Variants in ATP6V0E1 observed in about 807,000 individuals in gnomAD.
ATP6V0E1 encodes V-type proton ATPase subunit e 1.
ATP6V0E1 carries 4 observed loss-of-function variants against 11.6 expected under a neutral mutation model. That is an observed-to-expected ratio of 0.35 (90% CI 0.17 to 0.79). The LOEUF (loss-of-function observed/expected upper bound fraction) is 0.79, where lower values mean the gene tolerates loss of function less well. Ranked by LOEUF, ATP6V0E1 falls within the 30% of genes least tolerant of loss-of-function variation. The pLI, the probability that ATP6V0E1 is intolerant of heterozygous loss-of-function variation, is 0.54. For synonymous variants in ATP6V0E1, 36 were observed against 34.8 expected, an observed-to-expected ratio of 1.04 and a Z score of -0.13; for missense variants, 105 against 100.0, an observed-to-expected ratio of 1.05 and a Z score of -0.21.
chr5:173,034,704 T>C lies in ATP6V0E1; in HGVS notation c.*342T>C. 1 of 468,878 alleles carries C rather than the reference T, an allele frequency of 2.1e-6. No homozygotes were observed. The highest frequency in any genetic ancestry group is 1.9e-5 in the African/African-American group (1 of 51,728). The allele number at this position is 468,878 out of a possible 1,614,324, so 29.0% of individuals were successfully genotyped here. A position where few individuals can be genotyped will look rare whatever the true frequency, so the allele number is the denominator to read the frequency against. ...GGATTTGAAGATGGCTCCTGCCTTC[T>C]CACGTGGGAATCAGTGAAGTGTTTA... On this transcript the variant is annotated 3_prime_UTR_variant, in exon 4 of 4. Coordinates refer to ENST00000519374, the MANE Select transcript of ATP6V0E1 (RefSeq NM_003945.4).
At chr5:173,021,233 C>G (rs931873772) in intron 3 of ATP6V0E1, among the ~76,000 whole-genome samples, 3 of 151,508 alleles carry the variant, frequency 2.0e-5, no homozygotes, top group African/African-American at 7.3e-5. Context: ...ACAACTACTT[C>G]ACTCGTTACT....
intron 2 of ATP6V0E1, among the ~76,000 whole-genome samples, chr5:173,003,323 A>G (rs964795555): frequency 7.9e-5 from 12 of 152,292 alleles, no homozygotes; most frequent in Admixed American, 4.6e-4. Context: ...TTTGTTTACT[A>G]TCTGCTTCTC....
At chr5:172,993,437 C>T (rs1321078363) in intron 1 of ATP6V0E1, among the ~76,000 whole-genome samples, 1 of 151,930 alleles carries the variant, frequency 6.6e-6, no homozygotes, top group African/African-American at 2.4e-5. Flanking sequence ...ACCTGAGAGG[C>T]GGAGTTTGCA....
Position 173,032,560 on chromosome 5 carries a change from G to A in ATP6V0E1, c.*37-1839G>A, listed in dbSNP as rs181582168. ...CCTGCCTCGGCCTCCCAAAGTGCTG[G>A]GATTACAGACGTGAGCCACTGTGCC... is the stretch of plus-strand genomic sequence containing the variant. On this transcript the variant is annotated intron_variant, in intron 3 of 3. Transcript: ENST00000519374. 6.4e-4 allele frequency among the ~76,000 whole-genome samples: 98 copies of A among 152,064 alleles called. 2 individuals are homozygous for A. The highest frequency in any genetic ancestry group is 6.8e-3 in the Middle Eastern group (2 of 294).
At chr5:173,015,888 A>G (rs912342750) in intron 2 of ATP6V0E1, among the ~76,000 whole-genome samples, 6 of 151,942 alleles carry the variant, frequency 3.9e-5, no homozygotes, top group African/African-American at 1.2e-4. Flanking sequence ...CACCATGCCC[A>G]GCTGATTTTT....
intron 1 of ATP6V0E1, among the ~76,000 whole-genome samples, chr5:172,991,368 T>A (rs1755975279): frequency 6.6e-6 from 1 of 152,194 alleles, no homozygotes; most frequent in Non-Finnish European, 1.5e-5. Flanking sequence ...AGCTTTTATG[T>A]GAAACTATTA....
chr5:173,000,825 T>G (rs547813375), intron 2 of ATP6V0E1, among the ~76,000 whole-genome samples: 1 of 151,954 alleles, frequency 6.6e-6, no homozygotes, highest in South Asian at 2.1e-4. Context: ...CTCAGCCTCC[T>G]GAGTAGGTGG....
intron 2 of ATP6V0E1, among the ~76,000 whole-genome samples, chr5:173,008,692 G>A (rs1318625586): frequency 2.0e-5 from 3 of 147,590 alleles, no homozygotes; most frequent in African/African-American, 7.4e-5. Context: ...GGCGGATCAC[G>A]AGGTCAGGAG....
rs534351999 is a variant in ATP6V0E1 at position 173,008,783 on chromosome 5, C to T, written c.153-11455C>T. 3.0e-4 allele frequency among the ~76,000 whole-genome samples: 45 copies of T among 149,972 alleles called. No homozygotes were observed. The South Asian group carries it at 6.9e-3, about 23-fold the overall frequency. On this transcript the variant is annotated intron_variant, in intron 2 of 3. Transcript: ENST00000519374. The stretch of plus-strand genomic sequence containing the variant: ...AAAATTAGCTGGGCGTGGTGGCGGG[C>T]GCCTGTAGTCCCAGCTACTTGGGAG...
At chr5:173,032,259 TTATTTATTTATTTA>T (rs1756675141) in intron 3 of ATP6V0E1, among the ~76,000 whole-genome samples, 1 of 116,752 alleles carries the variant, frequency 8.6e-6, no homozygotes, top group East Asian at 2.4e-4. Flanking sequence ...TTTTATTTAT[TTATTTATTTATTTA>T]TTTATTTATT....
chr5:173,018,264 A>G (rs928827026), intron 2 of ATP6V0E1, among the ~76,000 whole-genome samples: 2 of 152,304 alleles, frequency 1.3e-5, no homozygotes, highest in Non-Finnish European at 2.9e-5. Flanking sequence ...TAAGAAAATC[A>G]TAAGGAAGAG....
chr5:173,001,121 C>G (rs1195238732), intron 2 of ATP6V0E1, among the ~76,000 whole-genome samples: 2 of 152,104 alleles, frequency 1.3e-5, no homozygotes, highest in Non-Finnish European at 1.5e-5. Context: ...TTCATTCATT[C>G]AACATATATT....
chr5:172,983,806 C>G lies in ATP6V0E1; in HGVS notation c.-55C>G. 1 of 1,549,816 alleles carries G rather than the reference C, an allele frequency of 6.5e-7. No homozygotes were observed. The highest frequency in any genetic ancestry group is 2.2e-5 in the East Asian group (1 of 44,548). On this transcript the variant is annotated 5_prime_UTR_variant, in exon 1 of 4. Transcript: ENST00000519374. Reference sequence around the variant, plus strand: ...GTCACGCGGTCAGCTATTGACACTTCCTGGTGGGATCCGAGTGAGGCGACG... The same window carrying G: ...GTCACGCGGTCAGCTATTGACACTTGCTGGTGGGATCCGAGTGAGGCGACG...
In ATP6V0E1 at chr5:173,020,240, G is replaced by A; in HGVS notation, c.155G>A (p.Trp52Ter). Residue 52 changes from tryptophan (W) to a stop codon, truncating the protein, a stop_gained and splice_region_variant, in exon 3 of 4, where the codon TGG (tryptophan) becomes TAG (stop). Transcript: ENST00000519374. LOFTEE classifies it high-confidence loss of function. ...TTTCTCTCCCATCCTTCTTTTAGTT[G>A]GCTGATTGCAATTCTGGCCCAACTC... ...VTCSVCCYLF[W>*]LIAILAQLNP... 1.2e-6 allele frequency: 2 copies of A among 1,611,466 alleles called. No individual in the cohort carries two copies. Among genetic ancestry groups the A allele is most frequent in the Non-Finnish European group, 1.7e-6 (2 of 1,177,734 alleles).
At chr5:173,024,584 G>A (rs1313619070) in intron 3 of ATP6V0E1, among the ~76,000 whole-genome samples, 2 of 152,070 alleles carry the variant, frequency 1.3e-5, no homozygotes, top group Non-Finnish European at 1.5e-5. Flanking sequence ...CTAAAAGGAT[G>A]TCTGGTTTAC....
At chr5:172,988,324 G>C (rs1755928879) in intron 1 of ATP6V0E1, among the ~76,000 whole-genome samples, 1 of 152,170 alleles carries the variant, frequency 6.6e-6, no homozygotes, top group Admixed American at 6.5e-5. Flanking sequence ...CTCTTGGTTG[G>C]ATTGAGCAGT....
chr5:173,033,249 G>A (rs1388266355), intron 3 of ATP6V0E1, among the ~76,000 whole-genome samples: 2 of 152,088 alleles, frequency 1.3e-5, no homozygotes, highest in Non-Finnish European at 2.9e-5. Flanking sequence ...CTACTGGTGT[G>A]TGTCATCGTG....
chr5:173,008,725 C>CAA (rs1561771739), intron 2 of ATP6V0E1, among the ~76,000 whole-genome samples: 1 of 148,676 alleles, frequency 6.7e-6, no homozygotes, highest in Non-Finnish European at 1.5e-5. Flanking sequence ...CTGGCTAATG[C>CAA]GGTGAAACCC....
chr5:173,021,991 C>T (rs1183146398), intron 3 of ATP6V0E1, among the ~76,000 whole-genome samples: 1 of 152,086 alleles, frequency 6.6e-6, no homozygotes, highest in Non-Finnish European at 1.5e-5. Flanking sequence ...GGCGAGATCG[C>T]GCCACTGCAC....
Sources: allele counts gnomAD v4.1 joint callset (sites outside exome capture counted in the v4.1 genomes callset), GRCh38; gene constraint gnomAD v4.1.1; transcripts MANE v1.5; gene names NCBI Gene and HGNC (gene_info 2026-07-23, HGNC 2026-07-21).